Variants in TEAD4 observed in about 807,000 individuals in gnomAD.
The protein encoded by TEAD4 is TEA domain transcription factor 4, also known as transcriptional enhancer factor TEF-3.
Under a neutral mutation model 52.4 loss-of-function variants are expected in TEAD4, and 36 were observed. The ratio of observed to expected loss-of-function variants is 0.69; its 90% confidence interval spans 0.53 to 0.91. The LOEUF (loss-of-function observed/expected upper bound fraction) is 0.91, where lower values mean the gene tolerates loss of function less well. Ranked by LOEUF, TEAD4 falls within the 40% of genes least tolerant of loss-of-function variation. TEAD4 has a pLI of 0.00. For missense variants in TEAD4, 508 were observed against 583.9 expected (o/e 0.87, Z 1.34); for synonymous variants, 220 against 231.0 (o/e 0.95, Z 0.43).
chr12:2,963,074 G>A (rs1458702325), intron 2 of TEAD4, among the ~76,000 whole-genome samples: 1 of 152,200 alleles, frequency 6.6e-6, no homozygotes, highest in Admixed American at 6.5e-5. Flanking sequence ...TGGGGAAGGA[G>A]CCATCTCACT....
At chr12:3,014,981 C>T (rs1283322992) in intron 5 of TEAD4, among the ~76,000 whole-genome samples, 2 of 152,200 alleles carry the variant, frequency 1.3e-5, no homozygotes, top group African/African-American at 4.8e-5. Context: ...CTGGCCTGGG[C>T]ACTTTCCTCC....
intron 5 of TEAD4, 193 bp from the exon 6 acceptor site, chr12:3,017,205 A>G: frequency 4.2e-6 from 3 of 709,220 alleles, no homozygotes; most frequent in Middle Eastern, 2.4e-4. Context: ...GACAGATGAG[A>G]AAACTGACCA....
chr12:2,995,555 C>A (rs559386515), intron 3 of TEAD4, among the ~76,000 whole-genome samples: 2 of 152,202 alleles, frequency 1.3e-5, no homozygotes, highest in South Asian at 2.1e-4. Flanking sequence ...AAAGGCCCCC[C>A]CCAACCCAGC....
chr12:3,026,119 T>C (rs535923326), intron 10 of TEAD4, among the ~76,000 whole-genome samples: 19 of 152,222 alleles, frequency 1.2e-4, no homozygotes, highest in South Asian at 6.2e-4. Context: ...ATTTCTTTGA[T>C]AATTTATTTC....
At chr12:2,975,178 AC>A (rs57999831) in intron 2 of TEAD4, among the ~76,000 whole-genome samples, 119,449 of 144,642 alleles carry the variant, frequency 0.83, 50,398 homozygotes, top group Middle Eastern at 0.91. Flanking sequence ...CTTAAAACAA[AC>A]AAACAAAAAA....
rs2098260764 is a variant in TEAD4, at chr12:3,012,095, C to T, written c.292-75C>T. 2.1e-5 allele frequency: 31 copies of T among 1,499,242 alleles called. No homozygotes were observed. The South Asian group carries it at 2.9e-4, about 14-fold the overall frequency. 92.9% of individuals were successfully genotyped at this position (1,499,242 alleles called of 1,614,324 possible). ...GATGTGGGTTGAGGGCTGTGGAGGG[C>T]GAGAGTCAGGAAGCCAGGCTGGGGA... On this transcript the variant is annotated intron_variant, in intron 4 of 12. Coordinates refer to ENST00000359864, the MANE Select transcript of TEAD4 (RefSeq NM_003213.4).
At chr12:3,039,106 G>A (rs2098281175) in intron 11 of TEAD4, among the ~76,000 whole-genome samples, 1 of 152,164 alleles carries the variant, frequency 6.6e-6, no homozygotes, top group African/African-American at 2.4e-5. Flanking sequence ...CAGCACCAGG[G>A]AGGAGACATT....
At chr12:3,035,399 C>T in intron 10 of TEAD4, among the ~76,000 whole-genome samples, 1 of 152,216 alleles carries the variant, frequency 6.6e-6, no homozygotes, top group South Asian at 2.1e-4. Flanking sequence ...GCATTTCAGG[C>T]ATTGTTCACA....
intron 8 of TEAD4, 126 bp downstream of exon 8, chr12:3,019,296 A>G: frequency 9.4e-7 from 1 of 1,069,074 alleles, no homozygotes; most frequent in Non-Finnish European, 1.4e-6. Context: ...CACACTGACC[A>G]CACGTCCTAG....
rs1370210996 is a variant in TEAD4 at position 3,017,395 on chromosome 12, C to T, written c.355-3C>T. On this transcript the variant is annotated splice_polypyrimidine_tract_variant and splice_region_variant and intron_variant, in intron 5 of 12. Transcript: ENST00000359864. ...AGGTCCTCCCTTGCAATGTCTCCCC[C>T]AGGACCAGGCAGCTAAGGACAAGGC... 6.2e-7 allele frequency: 1 copy of T among 1,614,112 alleles called. No individual in the cohort carries two copies. Among genetic ancestry groups the T allele is most frequent in the Non-Finnish European group, 8.5e-7 (1 of 1,180,016 alleles).
chr12:3,010,339 C>G (rs147960862), intron 3 of TEAD4, among the ~76,000 whole-genome samples: 1 of 152,212 alleles, frequency 6.6e-6, no homozygotes, highest in African/African-American at 2.4e-5. Context: ...ATGCTTCAGG[C>G]GTAGCAGCAG....
At chr12:2,985,420 C>T (rs890282573) in intron 2 of TEAD4, among the ~76,000 whole-genome samples, 1 of 151,304 alleles carries the variant, frequency 6.6e-6, no homozygotes, top group Admixed American at 6.6e-5. Context: ...AACCCAAAAA[C>T]GCAAACACAT....
intron 4 of TEAD4, among the ~76,000 whole-genome samples, chr12:3,011,451 C>T (rs753431419): frequency 2.0e-4 from 31 of 151,950 alleles, no homozygotes; most frequent in Non-Finnish European, 3.1e-4. Flanking sequence ...AGGCTGGTCT[C>T]GAATTCCTGA....
chr12:2,963,587 C>T (rs1029727430), intron 2 of TEAD4, among the ~76,000 whole-genome samples: 1 of 152,186 alleles, frequency 6.6e-6, no homozygotes. Flanking sequence ...GGGGAGAACA[C>T]GGTCTCCAGC....
At chr12:2,986,864 G>C (rs573873866) in intron 2 of TEAD4, among the ~76,000 whole-genome samples, 1 of 152,262 alleles carries the variant, frequency 6.6e-6, no homozygotes, top group East Asian at 1.9e-4. Context: ...GCCATGGTAG[G>C]ATGGCTCTGA....
chr12:3,026,333 T>A (rs900922815), intron 10 of TEAD4, among the ~76,000 whole-genome samples: 2 of 152,260 alleles, frequency 1.3e-5, no homozygotes, highest in South Asian at 2.1e-4. Context: ...CAAGTGCATA[T>A]CACACAAACC....
At chr12:2,964,793 G>A (rs887676151) in intron 2 of TEAD4, among the ~76,000 whole-genome samples, 1 of 152,040 alleles carries the variant, frequency 6.6e-6, no homozygotes, top group Non-Finnish European at 1.5e-5. Flanking sequence ...TTCTTTAGCC[G>A]CAGGCAGAGC....
chr12:2,960,477 C>A, intron 2 of TEAD4: 1 of 556,198 alleles, frequency 1.8e-6, no homozygotes, highest in Non-Finnish European at 2.3e-6. Context: ...TGGATCGATC[C>A]AGGGAGCAGA....
chr12:2,995,378 T>C (rs886510906), intron 3 of TEAD4, among the ~76,000 whole-genome samples: 2 of 152,180 alleles, frequency 1.3e-5, no homozygotes, highest in Admixed American at 1.3e-4. Flanking sequence ...CACTCATTCA[T>C]GCAACAAACA....
Sources: allele counts gnomAD v4.1 joint callset (sites outside exome capture counted in the v4.1 genomes callset), GRCh38; gene constraint gnomAD v4.1.1; transcripts MANE v1.5; gene names NCBI Gene and HGNC (gene_info 2026-07-23, HGNC 2026-07-21).